ZNF513: variants seen among roughly 807,000 people sequenced by gnomAD.
ZNF513 encodes the protein zinc finger protein 513.
A neutral mutation model predicts 39.7 loss-of-function variants in ZNF513; 16 were observed. The observed-to-expected ratio is 0.40, with a 90% CI of 0.27 to 0.61. ZNF513 has a LOEUF of 0.61. Ranked by LOEUF, ZNF513 falls within the 20% of genes least tolerant of loss-of-function variation. ZNF513 has a pLI of 0.39. For missense variants in ZNF513, 699 were observed against 743.6 expected (o/e 0.94, Z 0.70); for synonymous variants, 348 against 296.5 (o/e 1.17, Z -1.79).
intron 2 of ZNF513, 105 bp downstream of exon 2, chr2:27,379,988 G>GC: frequency 6.8e-7 from 1 of 1,460,582 alleles, no homozygotes; most frequent in South Asian, 1.1e-5. Flanking sequence ...AACTAAACCA[G>GC]CCCTCGGTTG....
In ZNF513 at chr2:27,378,888, C is replaced by G. The variant is rs200014450; in HGVS notation, c.378G>C (p.Pro126=). The change falls in exon 3 of 4, where the codon CCG becomes CCC. Residue 126 remains proline, a synonymous_variant. Coordinates refer to ENST00000323703, the MANE Select transcript of ZNF513 (RefSeq NM_144631.6). This position sits in a 1 kb window ranked among gnomAD's most constrained non-coding sequence, Gnocchi z 8.0. ...CCCCACAACACGGCCCCTCACCTGT[C>G]GGCCCCCCACACAGCTGGCAGGCTG... ...PGPACQLCGG[P]TGEGPCCGAG... is the part of the protein sequence containing the mutation. 1.2e-6 allele frequency: 2 copies of G among 1,602,258 alleles called. No homozygotes were observed. The highest frequency in any genetic ancestry group is 2.7e-5 in the African/African-American group (2 of 74,686).
At chr2:27,379,272 G>A (rs190234386) in intron 2 of ZNF513, among the ~76,000 whole-genome samples, 2 of 152,198 alleles carry the variant, frequency 1.3e-5, no homozygotes, top group African/African-American at 4.8e-5. Flanking sequence ...AGTGATGGTA[G>A]AATTGACCTG....
In ZNF513 at chr2:27,380,554, CCGGCCTG is replaced by C; in HGVS notation, c.-35_-29del. On this transcript the variant is annotated 5_prime_UTR_variant, in exon 1 of 4. Coordinates refer to ENST00000323703, the MANE Select transcript of ZNF513 (RefSeq NM_144631.6). ...TGACCGGCTCCAGCCCGACGCGCCT[CCGGCCTG>C]CGGCCGCCCGACCCCGCCCCTCCTA... is the stretch of plus-strand genomic sequence containing the variant. The C allele has an allele frequency of 6.4e-7, 1 of 1,552,324 alleles. No homozygotes were observed. Among genetic ancestry groups the C allele is most frequent in the Non-Finnish European group, 8.7e-7 (1 of 1,143,376 alleles).
In ZNF513 at chr2:27,378,480, G is replaced by A. The variant is rs931444522; in HGVS notation, c.786C>T (p.Pro262=). 4 of 1,614,006 alleles carry A rather than the reference G, an allele frequency of 2.5e-6. 1 individual carries two copies. Among genetic ancestry groups the A allele is most frequent in the Middle Eastern group, 1.6e-4 (1 of 6,084 alleles). The change falls in exon 3 of 4, where the codon CCC becomes CCT. Residue 262 remains proline, a synonymous_variant. Transcript: ENST00000323703. The surrounding 1 kb of genome is among the most constrained non-coding windows in gnomAD (Gnocchi z 8.0). The stretch of plus-strand genomic sequence containing the variant: ...GGTGTGTCTTACCTTCAGGTCGCCG[G>A]GGCACCGCCCCCTCCTGCTCTGTGG... ...PSPTEQEGAV[P]RRPEDALLLP...
In ZNF513 at chr2:27,377,582, G is replaced by C; in HGVS notation, c.1589C>G (p.Thr530Ser). The C allele has an allele frequency of 6.2e-7, 1 of 1,614,118 alleles. No homozygotes were observed. The highest frequency in any genetic ancestry group is 8.5e-7 in the Non-Finnish European group (1 of 1,180,040). ...LSSRGPPALGTAGSRAVHTDS... is the reference protein window; with the variant it reads ...LSSRGPPALGSAGSRAVHTDS... ...TGTGTGGACAGCCCGGCTGCCAGCA[G>C]TCCCCAGGGCTGGTGGGCCCCGAGA... The change falls in exon 4 of 4, where the codon ACT becomes AGT. Residue 530 changes from threonine to serine, a missense_variant. Physicochemically the swap from Thr to Ser is moderately conservative, Grantham distance 58 (BLOSUM62 1). Around this residue, in one of 3 missense-constraint regions of ZNF513, gnomAD observed 71 missense variants for 64.1 expected, o/e 1.11. Transcript: ENST00000323703. The surrounding 1 kb of genome is among the most constrained non-coding windows in gnomAD (Gnocchi z 4.4).
chr2:27,379,971 A>G, intron 2 of ZNF513, 122 bp downstream of exon 2: 1 of 1,330,692 alleles, frequency 7.5e-7, no homozygotes, highest in Non-Finnish European at 1.1e-6. Flanking sequence ...CATCTAGCTC[A>G]AATGTAAACT....
In ZNF513 at chr2:27,380,583, C is replaced by T. The variant is rs1558314501; in HGVS notation, c.-57G>A. On this transcript the variant is annotated 5_prime_UTR_variant, in exon 1 of 4. Transcript: ENST00000323703. ...CCTGCGGCCGCCCGACCCCGCCCCTCCTATCTCGGCCCGCCTGTCTGCCCT... is the reference window on the plus strand; with the variant it reads ...CCTGCGGCCGCCCGACCCCGCCCCTTCTATCTCGGCCCGCCTGTCTGCCCT... The T allele has an allele frequency of 6.5e-7, 1 of 1,540,144 alleles. No individual in the cohort carries two copies. The highest frequency in any genetic ancestry group is 8.8e-7 in the Non-Finnish European group (1 of 1,139,178).
Position 27,378,855 on chromosome 2 carries a change from C to G in ZNF513, c.411G>C (p.Gly137=). 6.2e-7 allele frequency: 1 copy of G among 1,605,094 alleles called. No individual in the cohort carries two copies. The highest frequency in any genetic ancestry group is 1.7e-5 in the Admixed American group (1 of 58,264). Reference sequence around the variant, plus strand: ...GGGGCAGCAGGGGCCCCCCACCCGGCCCTCCTGCCCCACAACACGGCCCCT... The same window carrying G: ...GGGGCAGCAGGGGCCCCCCACCCGGGCCTCCTGCCCCACAACACGGCCCCT... ...TGEGPCCGAG[G]PGGGPLLPPR... is the part of the protein sequence containing the mutation. The change falls in exon 3 of 4, where the codon GGG becomes GGC. Residue 137 remains glycine, a synonymous_variant. Coordinates refer to ENST00000323703, the MANE Select transcript of ZNF513 (RefSeq NM_144631.6). The surrounding 1 kb of genome is among the most constrained non-coding windows in gnomAD (Gnocchi z 8.0).
chr2:27,379,451 G>A (rs1290140702), intron 2 of ZNF513, among the ~76,000 whole-genome samples: 2 of 152,186 alleles, frequency 1.3e-5, no homozygotes, highest in African/African-American at 4.8e-5. Flanking sequence ...TTAGTAAGGA[G>A]CTGATATAAA....
chr2:27,378,263 C>A lies in ZNF513; in HGVS notation c.908G>T (p.Gly303Val), dbSNP rs138827186. The change falls in exon 4 of 4, where the codon GGA becomes GTA. Residue 303 changes from glycine (G) to valine (V), a missense_variant. Gly to Val is a moderately radical substitution (Grantham distance 109). Transcript: ENST00000323703. This position sits in a 1 kb window ranked among gnomAD's most constrained non-coding sequence, Gnocchi z 8.0. ...RGEGEGLCGT[G>V]SEPLPELLFP... Reference sequence around the variant, plus strand: ...TAGCAGCTCTGGCAGTGGTTCTGATCCAGTCCCGCAGAGGCCCTCCCCTTC... The same window carrying A: ...TAGCAGCTCTGGCAGTGGTTCTGATACAGTCCCGCAGAGGCCCTCCCCTTC... 2.8e-5 allele frequency: 45 copies of A among 1,601,568 alleles called. No individual in the cohort carries two copies. The highest frequency in any genetic ancestry group is 3.7e-5 in the Non-Finnish European group (44 of 1,179,968).
rs994133958 is a variant in ZNF513, at chr2:27,378,863, C to T, written c.403G>A (p.Ala135Thr). Residue 135 changes from alanine to threonine, a missense_variant, in exon 3 of 4, where the codon GCA becomes ACA. Ala to Thr is a moderately conservative substitution (Grantham distance 58, BLOSUM62 0). Transcript: ENST00000323703. The surrounding 1 kb of genome is among the most constrained non-coding windows in gnomAD (Gnocchi z 8.0). ...AGGGGCCCCCCACCCGGCCCTCCTG[C>T]CCCACAACACGGCCCCTCACCTGTC... ...GPTGEGPCCG[A>T]GGPGGGPLLP... 1.2e-6 allele frequency: 2 copies of T among 1,604,352 alleles called. No homozygotes were observed. The highest frequency in any genetic ancestry group is 1.7e-6 in the Non-Finnish European group (2 of 1,175,524).
Position 27,378,204 on chromosome 2 carries a change from G to A in ZNF513, c.967C>T (p.Leu323=). 6.2e-7 allele frequency: 1 copy of A among 1,608,768 alleles called. No homozygotes were observed. Among genetic ancestry groups the A allele is most frequent in the South Asian group, 1.1e-5 (1 of 91,092 alleles). The change falls in exon 4 of 4, where the codon CTG becomes TTG. Residue 323 remains leucine (L), a synonymous_variant. Transcript: ENST00000323703. The surrounding 1 kb of genome is among the most constrained non-coding windows in gnomAD (Gnocchi z 8.0). The part of the protein sequence containing the change: ...PWTCRGCGQE[L]EEGEGSRLGA... The stretch of plus-strand genomic sequence containing the variant: ...AGCCGACTACCCTCACCCTCCTCCA[G>A]CTCTTGTCCACAGCCCCGGCAGGTC...
chr2:27,378,732 G>A lies in ZNF513; in HGVS notation c.534C>T (p.Phe178=). Residue 178 remains phenylalanine (F), a synonymous_variant, in exon 3 of 4, where the codon TTC becomes TTT. Coordinates refer to ENST00000323703, the MANE Select transcript of ZNF513 (RefSeq NM_144631.6). This position sits in a 1 kb window ranked among gnomAD's most constrained non-coding sequence, Gnocchi z 8.0. The stretch of plus-strand genomic sequence containing the variant: ...AGGCGTAGGGGCAGCGGCCACAGCG[G>A]AACGGCTTCTCTCCGCTGTGTGTCT... The part of the protein sequence containing the change: ...HMQTHSGEKP[F]RCGRCPYASA... 1.2e-6 allele frequency: 2 copies of A among 1,614,024 alleles called. No individual in the cohort carries two copies. Among genetic ancestry groups the A allele is most frequent in the African/African-American group, 1.3e-5 (1 of 75,058 alleles).
chr2:27,378,242 A>C lies in ZNF513; in HGVS notation c.929T>G (p.Leu310Arg). The C allele has an allele frequency of 6.2e-7, 1 of 1,603,016 alleles. No homozygotes were observed. The highest frequency in any genetic ancestry group is 8.5e-7 in the Non-Finnish European group (1 of 1,179,934). Residue 310 changes from leucine to arginine, a missense_variant, in exon 4 of 4, where the codon CTG (leucine) becomes CGG (arginine). Leu to Arg is a moderately radical substitution (Grantham distance 102, BLOSUM62 -2). Around this residue, in one of 3 missense-constraint regions of ZNF513, gnomAD observed 530 missense variants for 499.3 expected, o/e 1.06. Coordinates refer to ENST00000323703, the MANE Select transcript of ZNF513 (RefSeq NM_144631.6). This position sits in a 1 kb window ranked among gnomAD's most constrained non-coding sequence, Gnocchi z 8.0. ...GCCCCGGCAGGTCCAAGGGAATAGC[A>C]GCTCTGGCAGTGGTTCTGATCCAGT... ...CGTGSEPLPE[L>R]LFPWTCRGCG...
At chr2:27,380,291 G>GC in intron 1 of ZNF513, 43 bp from the exon 2 acceptor site, 1 of 1,613,724 alleles carries the variant, frequency 6.2e-7, no homozygotes, top group Non-Finnish European at 8.5e-7. Flanking sequence ...TCAGGAACCA[G>GC]CCCTCGTGGA....
At position 27,377,313 on chromosome 2, in the gene ZNF513, G is replaced by C; in HGVS notation, c.*232C>G. 1.5e-6 allele frequency: 1 copy of C among 659,298 alleles called. No individual in the cohort carries two copies. Among genetic ancestry groups the C allele is most frequent in the Non-Finnish European group, 2.8e-6 (1 of 363,420 alleles). The allele number at this position is 659,298 out of a possible 1,614,324, so 40.8% of individuals were successfully genotyped here. A position where few individuals can be genotyped will look rare whatever the true frequency, so the allele number is the denominator to read the frequency against. ...GGGAGGCTGGGCAGTCCCCCAGCCG[G>C]TTTGTCCACAGCCCCTGGGGGCAGT... On this transcript the variant is annotated 3_prime_UTR_variant, in exon 4 of 4. Transcript: ENST00000323703. This position sits in a 1 kb window ranked among gnomAD's most constrained non-coding sequence, Gnocchi z 4.4.
Position 27,377,472 on chromosome 2 carries a change from G to T in ZNF513, c.*73C>A. On this transcript the variant is annotated 3_prime_UTR_variant, in exon 4 of 4. Coordinates refer to ENST00000323703, the MANE Select transcript of ZNF513 (RefSeq NM_144631.6). This position sits in a 1 kb window ranked among gnomAD's most constrained non-coding sequence, Gnocchi z 4.4. Reference sequence around the variant, plus strand: ...TAGTGCCTACGTTAGTCTGTGTGGAGCCCCTGGCCAGCGGGGGAGAAAAAG... The same window carrying T: ...TAGTGCCTACGTTAGTCTGTGTGGATCCCCTGGCCAGCGGGGGAGAAAAAG... 6.6e-7 allele frequency: 1 copy of T among 1,512,284 alleles called. No homozygotes were observed. The highest frequency in any genetic ancestry group is 9.1e-7 in the Non-Finnish European group (1 of 1,094,020). The allele number at this position is 1,512,284 out of a possible 1,614,324, so 93.7% of individuals were successfully genotyped here.
In ZNF513 at chr2:27,380,666, G is replaced by A. The variant is rs1168398683; in HGVS notation, c.-140C>T. 2 of 1,272,510 alleles carry A rather than the reference G, an allele frequency of 1.6e-6. No homozygotes were observed. The highest frequency in any genetic ancestry group is 4.3e-5 in the Admixed American group (1 of 23,514). The allele number at this position is 1,272,510 out of a possible 1,614,324, so 78.8% of individuals were successfully genotyped here. On this transcript the variant is annotated 5_prime_UTR_variant, in exon 1 of 4. Transcript: ENST00000323703. ...GCGGCGCGGGCCCTGGGCAGCCCCC[G>A]GCCCTGGCCCCGGCGCCCAGCTCAG...
Position 27,377,478 on chromosome 2 carries a change from G to T in ZNF513, c.*67C>A. The T allele has an allele frequency of 6.4e-7, 1 of 1,554,312 alleles. No homozygotes were observed. The highest frequency in any genetic ancestry group is 8.8e-7 in the Non-Finnish European group (1 of 1,130,378). On this transcript the variant is annotated 3_prime_UTR_variant, in exon 4 of 4. Transcript: ENST00000323703. The surrounding 1 kb of genome is among the most constrained non-coding windows in gnomAD (Gnocchi z 4.4). ...CTACGTTAGTCTGTGTGGAGCCCCTGGCCAGCGGGGGAGAAAAAGGTGGCT... is the reference window on the plus strand; with the variant it reads ...CTACGTTAGTCTGTGTGGAGCCCCTTGCCAGCGGGGGAGAAAAAGGTGGCT...
Sources: allele counts gnomAD v4.1 joint callset (sites outside exome capture counted in the v4.1 genomes callset), GRCh38; gene constraint gnomAD v4.1.1; regional missense constraint gnomAD v4.1.1; non-coding constraint Gnocchi (gnomAD v3.1); transcripts MANE v1.5; gene names NCBI Gene and HGNC (gene_info 2026-07-23, HGNC 2026-07-21).